PACSIN2: variants seen among roughly 807,000 people sequenced by gnomAD.
PACSIN2 encodes the protein protein kinase C and casein kinase substrate in neurons protein 2.
In PACSIN2, 25 loss-of-function variants were observed where a neutral mutation model predicts 63.8. The observed-to-expected ratio is 0.39, with a 90% CI of 0.29 to 0.55. PACSIN2 has a LOEUF of 0.55. PACSIN2 is among the 20% of genes least tolerant of loss of function. The pLI, the probability that PACSIN2 is intolerant of heterozygous loss-of-function variation, is 0.62. For synonymous variants in PACSIN2, 255 were observed against 256.2 expected (o/e 1.00, Z 0.05); for missense variants, 518 against 646.9 (o/e 0.80, Z 2.16).
chr22:42,962,771 T>TGGGTG (rs1920926682), intron 1 of PACSIN2, among the ~76,000 whole-genome samples: 1 of 2,916 alleles, frequency 3.4e-4, no homozygotes, highest in Non-Finnish European at 1.6e-3. Context: ...GAGCAAGGTG[T>TGGGTG]GGGCGGGGGG....
intron 1 of PACSIN2, among the ~76,000 whole-genome samples, chr22:42,938,264 C>T (rs1193521501): frequency 1.3e-5 from 2 of 152,142 alleles, no homozygotes; most frequent in Non-Finnish European, 2.9e-5. Flanking sequence ...GCAGTGAATT[C>T]CTAAAACCCG....
intron 7 of PACSIN2, among the ~76,000 whole-genome samples, chr22:42,880,132 G>A (rs1928963762): frequency 6.6e-6 from 1 of 152,180 alleles, no homozygotes; most frequent in African/African-American, 2.4e-5. Flanking sequence ...AAAACTTGGT[G>A]TGGCTGAGTC....
At chr22:42,993,286 G>A (rs1321214453) in intron 1 of PACSIN2, among the ~76,000 whole-genome samples, 2 of 152,182 alleles carry the variant, frequency 1.3e-5, no homozygotes, top group African/African-American at 4.8e-5. Context: ...GAGCAGTGGT[G>A]GCCTGGAAGA....
chr22:42,890,011 T>A (rs556964152), intron 4 of PACSIN2, among the ~76,000 whole-genome samples: 2 of 151,234 alleles, frequency 1.3e-5, no homozygotes, highest in Admixed American at 6.6e-5. Context: ...GGACTTTTTT[T>A]TTTTTTTTTG....
At chr22:42,969,293 T>C (rs1029639082) in intron 1 of PACSIN2, among the ~76,000 whole-genome samples, 2 of 152,244 alleles carry the variant, frequency 1.3e-5, no homozygotes, top group East Asian at 1.9e-4. Flanking sequence ...TGACATTACA[T>C]GGTAAACTTT....
At chr22:42,931,173 C>T (rs559609369) in intron 1 of PACSIN2, among the ~76,000 whole-genome samples, 5 of 152,376 alleles carry the variant, frequency 3.3e-5, no homozygotes, top group East Asian at 3.9e-4. Flanking sequence ...TTGTATCCCA[C>T]GGCTGGGCAC....
At position 43,015,036 on chromosome 22, in the gene PACSIN2, AC is replaced by A. The variant is rs1924797438; in HGVS notation, c.-94del. 6.6e-6 allele frequency: 1 copy of A among 151,890 alleles called. No individual in the cohort carries two copies. The highest frequency in any genetic ancestry group is 1.5e-5 in the Non-Finnish European group (1 of 68,096). The allele number at this position is 151,890 out of a possible 1,614,324, so 9.4% of individuals were successfully genotyped here. A position where few individuals can be genotyped will look rare whatever the true frequency, so the allele number is the denominator to read the frequency against. The stretch of plus-strand genomic sequence containing the variant: ...GGCCACTCACCTCCCAATCCGTCGC[AC>A]ACTCCGTTCAGGCTGCCACGGCGTC... On this transcript the variant is annotated 5_prime_UTR_variant, in exon 1 of 11. Coordinates refer to ENST00000263246, the MANE Select transcript of PACSIN2 (RefSeq NM_001184970.3).
chr22:42,908,408 C>T (rs569203551), intron 2 of PACSIN2, among the ~76,000 whole-genome samples: 8 of 152,316 alleles, frequency 5.3e-5, no homozygotes, highest in Non-Finnish European at 8.8e-5. Flanking sequence ...ACTGGTGACA[C>T]GTGAAAAGCC....
intron 2 of PACSIN2, among the ~76,000 whole-genome samples, chr22:42,898,712 G>A (rs531628665): frequency 2.0e-5 from 3 of 152,062 alleles, no homozygotes; most frequent in South Asian, 2.1e-4. Context: ...CCCAGGACTC[G>A]CCCTGCCGCC....
chr22:42,990,695 G>C (rs1489236882), intron 1 of PACSIN2, among the ~76,000 whole-genome samples: 1 of 151,958 alleles, frequency 6.6e-6, no homozygotes, highest in African/African-American at 2.4e-5. Flanking sequence ...CGGGTAAGCA[G>C]GGGTCAGACC....
At position 42,888,631 on chromosome 22, in the gene PACSIN2, T is replaced by C. The variant is rs531417949; in HGVS notation, c.609+12A>G. ...GTGACACTCGACGTGTAAAAACAAGTGTACAGTTTACCTTAAGAACATCTT... is the reference window on the plus strand; with the variant it reads ...GTGACACTCGACGTGTAAAAACAAGCGTACAGTTTACCTTAAGAACATCTT... On this transcript the variant is annotated intron_variant, in intron 5 of 10. Coordinates refer to ENST00000263246, the MANE Select transcript of PACSIN2 (RefSeq NM_001184970.3). The C allele has an allele frequency of 6.2e-7, 1 of 1,613,776 alleles. No individual in the cohort carries two copies.
chr22:42,942,084 T>G (rs4822235), intron 1 of PACSIN2, among the ~76,000 whole-genome samples: 2,369 of 150,438 alleles, frequency 0.016, 38 homozygotes, highest in Non-Finnish European at 0.025. Flanking sequence ...GCCTTTATTA[T>G]TGAATTTTAA....
At chr22:42,914,289 G>C (rs557272252) in intron 1 of PACSIN2, among the ~76,000 whole-genome samples, 1 of 152,314 alleles carries the variant, frequency 6.6e-6, no homozygotes, top group South Asian at 2.1e-4. Flanking sequence ...CTGGAGTGCA[G>C]TAGTGCAATC....
At chr22:42,979,523 C>CAAAAAAAAA (rs768725896) in intron 1 of PACSIN2, among the ~76,000 whole-genome samples, 1 of 61,612 alleles carries the variant, frequency 1.6e-5, no homozygotes, top group Non-Finnish European at 3.2e-5. Flanking sequence ...GACTCCCTCT[C>CAAAAAAAAA]AAAAAAAAAA....
chr22:42,908,957 C>T (rs987320875), intron 2 of PACSIN2, among the ~76,000 whole-genome samples: 1 of 152,136 alleles, frequency 6.6e-6, no homozygotes, highest in African/African-American at 2.4e-5. Flanking sequence ...GATCCCCTCT[C>T]CCCTCTTCCT....
At chr22:42,961,916 C>G (rs1934149462) in intron 1 of PACSIN2, among the ~76,000 whole-genome samples, 1 of 152,200 alleles carries the variant, frequency 6.6e-6, no homozygotes, top group African/African-American at 2.4e-5. Context: ...CACAGCCCGT[C>G]ACCAAAAAAG....
intron 1 of PACSIN2, among the ~76,000 whole-genome samples, chr22:42,930,124 G>C (rs1209186859): frequency 6.6e-6 from 1 of 152,228 alleles, no homozygotes; most frequent in African/African-American, 2.4e-5. Context: ...GGTGACTTGG[G>C]AACAGAGCCA....
At chr22:42,953,644 C>T (rs181204326) in intron 1 of PACSIN2, among the ~76,000 whole-genome samples, 5 of 152,172 alleles carry the variant, frequency 3.3e-5, no homozygotes, top group Admixed American at 2.0e-4. Flanking sequence ...TCATTTAACA[C>T]GAGGAAAAAA....
chr22:42,920,073 A>G (rs1932086389), intron 1 of PACSIN2, among the ~76,000 whole-genome samples: 1 of 151,948 alleles, frequency 6.6e-6, no homozygotes, highest in Non-Finnish European at 1.5e-5. Context: ...ATACTGCTGC[A>G]CTCCAGGCTG....
Sources: allele counts gnomAD v4.1 joint callset (sites outside exome capture counted in the v4.1 genomes callset), GRCh38; gene constraint gnomAD v4.1.1; transcripts MANE v1.5; gene names NCBI Gene and HGNC (gene_info 2026-07-23, HGNC 2026-07-21).